The following SLC2A13 variants were observed in gnomAD, a reference collection of about 807,000 sequenced individuals.
SLC2A13 encodes solute carrier family 2 member 13, also known as proton myo-inositol cotransporter.
In SLC2A13, 32 loss-of-function variants were observed where a neutral mutation model predicts 64.4. The observed-to-expected ratio is 0.50, with a 90% CI of 0.37 to 0.67. The LOEUF is 0.67. Among genes scored for constraint, SLC2A13 ranks in the 30% least tolerant of loss-of-function variants. The pLI is 0.00. For synonymous variants in SLC2A13, 338 were observed against 327.1 expected (o/e 1.03, Z -0.36); for missense variants, 743 against 829.2 (o/e 0.90, Z 1.28).
At chr12:39,787,170 C>A (rs976891467) in intron 7 of SLC2A13, among the ~76,000 whole-genome samples, 1 of 152,134 alleles carries the variant, frequency 6.6e-6, no homozygotes, top group African/African-American at 2.4e-5. Context: ...GGTTAACACA[C>A]AAGCCTTGCA....
At chr12:39,887,159 C>CA (rs900864264) in intron 4 of SLC2A13, among the ~76,000 whole-genome samples, 6 of 151,152 alleles carry the variant, frequency 4.0e-5, no homozygotes, top group Middle Eastern at 3.4e-3. Flanking sequence ...AATTTTTTTG[C>CA]AAAAAAAAGT....
chr12:39,877,847 C>G (rs1009171903), intron 4 of SLC2A13, among the ~76,000 whole-genome samples: 1 of 152,102 alleles, frequency 6.6e-6, no homozygotes, highest in Non-Finnish European at 1.5e-5. Context: ...TCATCCCTGC[C>G]CAAATCTTAT....
At chr12:39,984,850 C>A (rs1946999496) in intron 3 of SLC2A13, among the ~76,000 whole-genome samples, 1 of 152,092 alleles carries the variant, frequency 6.6e-6, no homozygotes, top group Admixed American at 6.6e-5. Flanking sequence ...GATAGCTTTT[C>A]ACGTGCTCAT....
At chr12:40,018,213 C>G (rs1005100115) in intron 3 of SLC2A13, among the ~76,000 whole-genome samples, 10 of 152,100 alleles carry the variant, frequency 6.6e-5, no homozygotes, top group African/African-American at 2.2e-4. Flanking sequence ...TGGAAGAAAT[C>G]CACACTCCTT....
chr12:39,817,594 T>C (rs1942374530), intron 7 of SLC2A13, among the ~76,000 whole-genome samples: 1 of 152,204 alleles, frequency 6.6e-6, no homozygotes, highest in African/African-American at 2.4e-5. Flanking sequence ...GAAACAAAGA[T>C]ACAGAATGCT....
chr12:39,826,494 GTC>G (rs1453163824), intron 7 of SLC2A13, among the ~76,000 whole-genome samples: 1 of 146,220 alleles, frequency 6.8e-6, no homozygotes, highest in Non-Finnish European at 1.5e-5. Context: ...TATACTTTGA[GTC>G]TCTTATTTCT....
intron 6 of SLC2A13, among the ~76,000 whole-genome samples, chr12:39,843,450 T>A (rs1461271697): frequency 6.6e-6 from 1 of 152,022 alleles, no homozygotes; most frequent in Non-Finnish European, 1.5e-5. Context: ...TAATAGGGAA[T>A]CTTGGCCCCA....
intron 2 of SLC2A13, among the ~76,000 whole-genome samples, chr12:40,035,423 C>A (rs1481004359): frequency 6.6e-6 from 1 of 152,152 alleles, no homozygotes; most frequent in Non-Finnish European, 1.5e-5. Context: ...TCTATTTTAG[C>A]AGAAAAGAAA....
chr12:39,920,030 T>C (rs907782805), intron 4 of SLC2A13, among the ~76,000 whole-genome samples: 1 of 152,072 alleles, frequency 6.6e-6, no homozygotes, highest in Non-Finnish European at 1.5e-5. Context: ...CTGTAAATTA[T>C]TAGCAAACAT....
At chr12:39,779,330 C>T (rs1940891947) in intron 7 of SLC2A13, among the ~76,000 whole-genome samples, 1 of 152,194 alleles carries the variant, frequency 6.6e-6, no homozygotes, top group Non-Finnish European at 1.5e-5. Context: ...GCATCCTCCC[C>T]AAGTTCCAAT....
At chr12:39,802,870 A>C (rs1226653232) in intron 7 of SLC2A13, among the ~76,000 whole-genome samples, 1 of 152,152 alleles carries the variant, frequency 6.6e-6, no homozygotes, top group Non-Finnish European at 1.5e-5. Context: ...TAATCTAGGA[A>C]CCTCCAAGTA....
At chr12:40,103,068 T>C (rs1446806406) in intron 1 of SLC2A13, among the ~76,000 whole-genome samples, 2 of 152,172 alleles carry the variant, frequency 1.3e-5, no homozygotes, top group African/African-American at 4.8e-5. Flanking sequence ...CAGAACTGAA[T>C]GGAGAACATA....
intron 4 of SLC2A13, among the ~76,000 whole-genome samples, chr12:39,878,469 G>T (rs894408328): frequency 6.6e-6 from 1 of 152,216 alleles, no homozygotes; most frequent in African/African-American, 2.4e-5. Flanking sequence ...TGTAGCAAAG[G>T]TCATGTGTAT....
Position 39,779,966 on chromosome 12 carries a change from T to C in SLC2A13, c.1446-15108A>G, listed in dbSNP as rs555723060. ...GCAAACAATGGCATACTTTCTTTAT[T>C]GGATTCTTTTCAATCCATTTTATAG... On this transcript the variant is annotated intron_variant, in intron 7 of 9. Coordinates refer to ENST00000280871, the MANE Select transcript of SLC2A13 (RefSeq NM_052885.4). Among the ~76,000 whole-genome samples the C allele has an allele frequency of 7.9e-5, 12 of 152,366 alleles. No homozygotes were observed. The East Asian group carries it at 2.3e-3, about 29-fold the overall frequency.
At chr12:40,011,269 C>T (rs1466523858) in intron 3 of SLC2A13, among the ~76,000 whole-genome samples, 1 of 152,136 alleles carries the variant, frequency 6.6e-6, no homozygotes, top group Non-Finnish European at 1.5e-5. Flanking sequence ...TCCTACTACC[C>T]ACTAGATGTC....
intron 3 of SLC2A13, among the ~76,000 whole-genome samples, chr12:39,969,684 T>C (rs969968647): frequency 7.2e-5 from 11 of 152,242 alleles, no homozygotes; most frequent in Non-Finnish European, 1.6e-4. Context: ...GAGTTCATTG[T>C]AGATTCTGGA....
At chr12:39,889,190 C>T (rs1944540351) in intron 4 of SLC2A13, among the ~76,000 whole-genome samples, 1 of 152,072 alleles carries the variant, frequency 6.6e-6, no homozygotes, top group Non-Finnish European at 1.5e-5. Flanking sequence ...TTCTGCAGAT[C>T]ATATATATCT....
At chr12:39,878,456 A>T (rs1230925132) in intron 4 of SLC2A13, among the ~76,000 whole-genome samples, 1 of 152,192 alleles carries the variant, frequency 6.6e-6, no homozygotes, top group Non-Finnish European at 1.5e-5. Flanking sequence ...ACTTATTGGG[A>T]ACTGTAGCAA....
intron 3 of SLC2A13, among the ~76,000 whole-genome samples, chr12:39,997,507 T>C (rs1947251156): frequency 6.6e-6 from 1 of 151,976 alleles, no homozygotes; most frequent in South Asian, 2.1e-4. Context: ...ATCAAAACCA[T>C]AGTGTGATAC....
Sources: gnomAD v4.1 joint callset for allele counts (sites outside exome capture counted in the v4.1 genomes callset) on GRCh38, gnomAD v4.1.1 for gene constraint, MANE v1.5 for transcripts, NCBI Gene and HGNC (gene_info 2026-07-23, HGNC 2026-07-21) for gene names.